The following SHC4 variants were observed in gnomAD, a reference collection of about 807,000 sequenced individuals.
SHC4 encodes SHC adaptor protein 4, also known as SHC-transforming protein 4.
Under a neutral mutation model 69.4 loss-of-function variants are expected in SHC4, and 41 were observed. That is an observed-to-expected ratio of 0.59 (90% CI 0.46 to 0.77). SHC4 has a LOEUF of 0.77. SHC4 is among the 30% of genes least tolerant of loss of function. The pLI, the probability that SHC4 is intolerant of heterozygous loss-of-function variation, is 0.00. For missense variants in SHC4, 777 were observed against 783.8 expected, an observed-to-expected ratio of 0.99 and a Z score of 0.10; for synonymous variants, 318 against 299.3, an observed-to-expected ratio of 1.06 and a Z score of -0.64.
At chr15:48,904,940 AACACACACACAC>A (rs71650107) in intron 2 of SHC4, among the ~76,000 whole-genome samples, 3,448 of 144,786 alleles carry the variant, frequency 0.024, 64 homozygotes, top group Non-Finnish European at 0.036. Flanking sequence ...ACACAGACAC[AACACACACACAC>A]ACACACACAC....
intron 1 of SHC4, among the ~76,000 whole-genome samples, chr15:48,935,599 A>G (rs993998298): frequency 2.0e-5 from 3 of 152,210 alleles, no homozygotes; most frequent in African/African-American, 7.2e-5. Context: ...AAGCTGGCCA[A>G]AGCCCTCCTT....
At chr15:48,864,727 G>A (rs567666042) in intron 6 of SHC4, among the ~76,000 whole-genome samples, 27 of 152,224 alleles carry the variant, frequency 1.8e-4, no homozygotes, top group Middle Eastern at 3.4e-3. Flanking sequence ...GATTACAGGC[G>A]TGAGCCACCG....
chr15:48,913,627 C>G (rs1008944061), intron 2 of SHC4, among the ~76,000 whole-genome samples: 3 of 152,144 alleles, frequency 2.0e-5, no homozygotes, highest in African/African-American at 7.2e-5. Context: ...AGGCTTCTCA[C>G]CCCCTTCAAA....
intron 1 of SHC4, among the ~76,000 whole-genome samples, chr15:48,950,255 AT>A (rs1241468965): frequency 1.4e-5 from 2 of 146,872 alleles, no homozygotes; most frequent in Non-Finnish European, 3.0e-5. Context: ...TTTCATATAT[AT>A]TTTAGATAAT....
intron 2 of SHC4, among the ~76,000 whole-genome samples, chr15:48,892,102 G>A (rs926774493): frequency 6.6e-6 from 1 of 152,002 alleles, no homozygotes; most frequent in Non-Finnish European, 1.5e-5. Flanking sequence ...TTATCCGCCC[G>A]CCTCGGCCTC....
chr15:48,871,160 A>C (rs573208033), intron 5 of SHC4, among the ~76,000 whole-genome samples: 1 of 152,356 alleles, frequency 6.6e-6, no homozygotes, highest in South Asian at 2.1e-4. Context: ...GAAGGATATA[A>C]TCTTTTCTTT....
chr15:48,878,228 C>A, intron 4 of SHC4: 1 of 1,606,140 alleles, frequency 6.2e-7, no homozygotes, highest in South Asian at 1.1e-5. Context: ...CAGTGACCTG[C>A]AGATGGATGT....
At chr15:48,957,308 C>T (rs906730395) in intron 1 of SHC4, among the ~76,000 whole-genome samples, 1 of 152,038 alleles carries the variant, frequency 6.6e-6, no homozygotes, top group African/African-American at 2.4e-5. Context: ...GAAAATGAGG[C>T]CCACAGAGGT....
intron 1 of SHC4, among the ~76,000 whole-genome samples, chr15:48,954,950 A>C (rs73402294): frequency 0.034 from 5,167 of 152,298 alleles, 301 homozygotes; most frequent in African/African-American, 0.12. Flanking sequence ...GTCTCAAAGA[A>C]CTGCTGTACA....
chr15:48,926,472 T>C (rs952477725), intron 1 of SHC4, among the ~76,000 whole-genome samples: 1 of 151,894 alleles, frequency 6.6e-6, no homozygotes, highest in Non-Finnish European at 1.5e-5. Flanking sequence ...TTTTTTTTTT[T>C]TTTCTTTTGA....
At chr15:48,912,073 G>A (rs992932316) in intron 2 of SHC4, among the ~76,000 whole-genome samples, 4 of 152,170 alleles carry the variant, frequency 2.6e-5, no homozygotes, top group Non-Finnish European at 5.9e-5. Context: ...AGGCAAAGAT[G>A]TTTTTGTGAT....
intron 2 of SHC4, among the ~76,000 whole-genome samples, chr15:48,915,802 T>A (rs556662794): frequency 6.6e-6 from 1 of 152,312 alleles, no homozygotes; most frequent in Admixed American, 6.5e-5. Context: ...GTATAATCAC[T>A]ATAAATTAGA....
intron 2 of SHC4, among the ~76,000 whole-genome samples, chr15:48,920,051 G>A (rs1900718726): frequency 6.8e-6 from 1 of 146,436 alleles, no homozygotes; most frequent in South Asian, 2.1e-4. Context: ...GTCTTGCTCT[G>A]TCACCCAGGC....
intron 2 of SHC4, among the ~76,000 whole-genome samples, chr15:48,891,915 C>T (rs1389296198): frequency 2.0e-5 from 3 of 152,092 alleles, no homozygotes; most frequent in African/African-American, 4.8e-5. Context: ...AGTGCAGTGG[C>T]GCGATCTCAG....
At chr15:48,907,944 G>T (rs1900439823) in intron 2 of SHC4, among the ~76,000 whole-genome samples, 2 of 151,806 alleles carry the variant, frequency 1.3e-5, no homozygotes, top group Non-Finnish European at 2.9e-5. Flanking sequence ...CAGTTGTGCT[G>T]CTATAAACCT....
chr15:48,855,145 CTTG>C (rs1272818251), intron 8 of SHC4, among the ~76,000 whole-genome samples: 2 of 151,710 alleles, frequency 1.3e-5, no homozygotes, highest in East Asian at 3.9e-4. Flanking sequence ...ACAATTTACC[CTTG>C]TTAACAAACC....
At chr15:48,851,067 T>C (rs896229792) in intron 9 of SHC4, 121 bp downstream of exon 9, 1 of 848,596 alleles carries the variant, frequency 1.2e-6, no homozygotes, top group African/African-American at 1.7e-5. Context: ...GTCAAAGGAT[T>C]ATGTGTTTAG....
intron 3 of SHC4, among the ~76,000 whole-genome samples, chr15:48,885,274 T>C (rs1900014579): frequency 6.6e-6 from 1 of 152,182 alleles, no homozygotes; most frequent in Non-Finnish European, 1.5e-5. Context: ...ACTTACCAAC[T>C]GATGACCTTA....
At chr15:48,862,797 C>A (rs765085415) in intron 6 of SHC4, among the ~76,000 whole-genome samples, 16 of 152,284 alleles carry the variant, frequency 1.1e-4, no homozygotes, top group East Asian at 1.9e-4. Context: ...TTCAGAAGAA[C>A]CTTGCTCTTC....
Sources: allele counts gnomAD v4.1 joint callset (sites outside exome capture counted in the v4.1 genomes callset), GRCh38; gene constraint gnomAD v4.1.1; transcripts MANE v1.5; gene names NCBI Gene and HGNC (gene_info 2026-07-23, HGNC 2026-07-21).